The following CNTNAP2 variants were observed in gnomAD, a reference collection of about 807,000 sequenced individuals.
The protein encoded by CNTNAP2 is contactin associated protein 2.
In CNTNAP2, 98 loss-of-function variants were observed where a neutral mutation model predicts 155.2. The ratio of observed to expected loss-of-function variants is 0.63; its 90% CI spans 0.54 to 0.75. The LOEUF is 0.75. Among genes scored for constraint, CNTNAP2 ranks in the 30% least tolerant of loss-of-function variants. CNTNAP2 has a pLI of 0.00. For missense variants in CNTNAP2, 1,727 were observed against 1,688.1 expected (o/e 1.02, Z -0.40); for synonymous variants, 651 against 631.2 (o/e 1.03, Z -0.47).
At chr7:147,648,562 T>G (rs1380227002) in intron 13 of CNTNAP2, among the ~76,000 whole-genome samples, 1 of 152,120 alleles carries the variant, frequency 6.6e-6, no homozygotes, top group Non-Finnish European at 1.5e-5. Flanking sequence ...TGAGGAGGCC[T>G]CACAATCATG....
intron 20 of CNTNAP2, among the ~76,000 whole-genome samples, chr7:148,230,540 G>A (rs1795942983): frequency 6.6e-6 from 1 of 152,200 alleles, no homozygotes; most frequent in African/African-American, 2.4e-5. Context: ...TGTTTTGTCA[G>A]TAAAGTGGAG....
chr7:148,225,245 A>G (rs928491150), intron 19 of CNTNAP2, among the ~76,000 whole-genome samples: 6 of 152,118 alleles, frequency 3.9e-5, no homozygotes, highest in Admixed American at 2.6e-4. Flanking sequence ...TGGGGAAAAT[A>G]TGAGGCAGAA....
intron 1 of CNTNAP2, among the ~76,000 whole-genome samples, chr7:146,607,734 G>T (rs1026913269): frequency 6.6e-6 from 1 of 152,090 alleles, no homozygotes; most frequent in Non-Finnish European, 1.5e-5. Flanking sequence ...TGCCTCTGCC[G>T]CCCAAAGTGC....
intron 13 of CNTNAP2, among the ~76,000 whole-genome samples, chr7:147,646,029 T>C (rs1423114704): frequency 6.6e-6 from 1 of 152,178 alleles, no homozygotes; most frequent in African/African-American, 2.4e-5. Context: ...CCATGGATAC[T>C]GGAGTGGAGG....
At chr7:146,206,903 A>G (rs1423794086) in intron 1 of CNTNAP2, among the ~76,000 whole-genome samples, 1 of 151,962 alleles carries the variant, frequency 6.6e-6, no homozygotes, top group African/African-American at 2.4e-5. Flanking sequence ...TCTACAATCA[A>G]AATACATATT....
chr7:146,855,807 GTATATATATATATATATA>G (rs367900395), intron 3 of CNTNAP2, among the ~76,000 whole-genome samples: 8,159 of 111,100 alleles, frequency 0.073, 593 homozygotes, highest in African/African-American at 0.15. Context: ...GTGTTAATGA[GTATATATATATATATATA>G]TATATATATA....
intron 15 of CNTNAP2, among the ~76,000 whole-genome samples, chr7:148,066,666 T>G (rs918029085): frequency 6.6e-6 from 1 of 151,116 alleles, no homozygotes; most frequent in East Asian, 1.9e-4. Context: ...CCCAGCTAAT[T>G]TTTTTGTATT....
chr7:146,452,542 G>T (rs1002692022), intron 1 of CNTNAP2, among the ~76,000 whole-genome samples: 2 of 152,088 alleles, frequency 1.3e-5, no homozygotes, highest in African/African-American at 2.4e-5. Context: ...TTATATTTTT[G>T]TCTAATTCTC....
chr7:146,517,580 ACT>A (rs995609168), intron 1 of CNTNAP2, among the ~76,000 whole-genome samples: 1 of 151,904 alleles, frequency 6.6e-6, no homozygotes, highest in African/African-American at 2.4e-5. Flanking sequence ...AGACTCAGGG[ACT>A]TGTTTGGATT....
rs185458123 is a variant in CNTNAP2, at chr7:148,150,262, A to C, written c.2773+2553A>C. 2.6e-5 allele frequency among the ~76,000 whole-genome samples: 4 copies of C among 152,222 alleles called. No homozygotes were observed. The East Asian group carries it at 7.7e-4, about 29-fold the overall frequency. ...CCTGTCTCTATTTAAAAATACAAAA[A>C]TTAGGGCTGGGCGCAGTGGCTCACG... On this transcript the variant is annotated intron_variant, in intron 17 of 23. Transcript: ENST00000361727.
intron 8 of CNTNAP2, among the ~76,000 whole-genome samples, chr7:147,221,135 A>T (rs924395865): frequency 5.9e-5 from 7 of 119,422 alleles, no homozygotes; most frequent in Middle Eastern, 3.6e-3. Flanking sequence ...AGTAACTTAT[A>T]ATAAAAAAAA....
chr7:147,525,066 T>G (rs934525978), intron 11 of CNTNAP2, among the ~76,000 whole-genome samples: 1 of 152,192 alleles, frequency 6.6e-6, no homozygotes, highest in Non-Finnish European at 1.5e-5. Context: ...GGGCTGGCAT[T>G]TCTGGCAGGC....
rs570120338 is a variant in CNTNAP2 at position 147,720,011 on chromosome 7, CTG to C, written c.2098+80711_2098+80712del. ...TAATTAAGACAGGCACTCCTGTATT[CTG>C]TGTGTTCATCACCTGATCTTCACTC... On this transcript the variant is annotated intron_variant, in intron 13 of 23. Transcript: ENST00000361727. 4.3e-3 allele frequency among the ~76,000 whole-genome samples: 652 copies of C among 152,208 alleles called. 3 individuals are homozygous for C. The highest frequency in any genetic ancestry group is 0.015 in the African/African-American group (628 of 41,556).
chr7:147,435,215 A>G (rs1304484385), intron 10 of CNTNAP2, among the ~76,000 whole-genome samples: 1 of 152,214 alleles, frequency 6.6e-6, no homozygotes, highest in Non-Finnish European at 1.5e-5. Context: ...TGTCACAATA[A>G]ATGAGTAGAG....
intron 11 of CNTNAP2, among the ~76,000 whole-genome samples, chr7:147,489,166 T>C (rs898509879): frequency 6.6e-6 from 1 of 152,220 alleles, no homozygotes; most frequent in East Asian, 1.9e-4. Flanking sequence ...CCTAAACCTA[T>C]GTCTCCTGTT....
At chr7:147,523,537 C>T (rs1799265330) in intron 11 of CNTNAP2, among the ~76,000 whole-genome samples, 1 of 152,132 alleles carries the variant, frequency 6.6e-6, no homozygotes. Context: ...TCTTTCCTAC[C>T]TTGTCTGGAT....
chr7:146,861,502 T>A (rs1383468957), intron 3 of CNTNAP2, among the ~76,000 whole-genome samples: 5 of 152,154 alleles, frequency 3.3e-5, no homozygotes, highest in Non-Finnish European at 7.4e-5. Flanking sequence ...TACTAATGCA[T>A]CATAATTTCT....
chr7:146,325,384 T>G (rs1801080576), intron 1 of CNTNAP2, among the ~76,000 whole-genome samples: 1 of 152,210 alleles, frequency 6.6e-6, no homozygotes, highest in Admixed American at 6.5e-5. Flanking sequence ...TCAAAGCCAA[T>G]GTATTCAACT....
rs932421645 is a variant in CNTNAP2 at position 146,927,632 on chromosome 7, C to T, written c.402+87728C>T. Among the ~76,000 whole-genome samples the T allele has an allele frequency of 6.6e-5, 10 of 150,596 alleles. No homozygotes were observed. The South Asian group carries it at 1.5e-3, about 22-fold the overall frequency. ...TAGCATGCATGCACTGCCTTTTTTT[C>T]GTTAAGGTAACACATTTCTATGACA... On this transcript the variant is annotated intron_variant, in intron 3 of 23. Coordinates refer to ENST00000361727, the MANE Select transcript of CNTNAP2 (RefSeq NM_014141.6).
Sources: allele counts gnomAD v4.1 joint callset (sites outside exome capture counted in the v4.1 genomes callset), GRCh38; gene constraint gnomAD v4.1.1; transcripts MANE v1.5; gene names NCBI Gene and HGNC (gene_info 2026-07-23, HGNC 2026-07-21).